Variants in SCN1A observed in about 807,000 individuals in gnomAD.
The protein encoded by SCN1A is sodium voltage-gated channel alpha subunit 1.
In SCN1A, 13 loss-of-function variants were observed where a neutral mutation model predicts 193.7. The ratio of observed to expected loss-of-function variants is 0.07; its 90% CI spans 0.04 to 0.11. SCN1A has a LOEUF of 0.11. SCN1A is among the 10% of genes least tolerant of loss of function. The probability of loss-of-function intolerance (pLI) is 1.00; values close to 1 mark genes in which losing one functional copy is unlikely to be tolerated. For missense variants in SCN1A, 1,432 were observed against 2,451.1 expected (o/e 0.58, Z 8.78); for synonymous variants, 781 against 843.6 (o/e 0.93, Z 1.29).
chr2:166,030,494 C>A (rs1304416486), intron 19 of SCN1A, among the ~76,000 whole-genome samples: 1 of 149,218 alleles, frequency 6.7e-6, no homozygotes, highest in Admixed American at 6.6e-5. Context: ...TAGTAATGTG[C>A]CTTTTTTGTT....
chr2:166,143,029 G>A (rs12053295), intron 1 of SCN1A, among the ~76,000 whole-genome samples: 45 of 151,806 alleles, frequency 3.0e-4, no homozygotes, highest in Non-Finnish European at 4.0e-4. Context: ...CCCAATCTTG[G>A]GTATGTCTTT....
At chr2:165,985,391 A>T (rs962732855), downstream of SCN1A, 3 of 151,474 alleles carry the variant, frequency 2.0e-5, no homozygotes, top group African/African-American at 7.3e-5. Context: ...GGAAGGAAAG[A>T]AAAAGGAAGG....
chr2:166,121,723 T>C (rs769379032), intron 2 of SCN1A, among the ~76,000 whole-genome samples: 9 of 152,210 alleles, frequency 5.9e-5, no homozygotes, highest in Non-Finnish European at 8.8e-5. Context: ...AAATATCAAT[T>C]TAACCTTCTT....
At chr2:166,026,143 A>C (rs1360804818) in intron 19 of SCN1A, among the ~76,000 whole-genome samples, 2 of 152,142 alleles carry the variant, frequency 1.3e-5, no homozygotes, top group African/African-American at 4.8e-5. Flanking sequence ...CTTGAAAATA[A>C]AAATTTTCTG....
rs1433806086 is a variant in SCN1A at position 165,992,223 on chromosome 2, G to A, written c.5052C>T (p.Tyr1684=). Residue 1684 remains tyrosine (Y), a synonymous_variant, in exon 29 of 29, where the codon TAC becomes TAT. Coordinates refer to ENST00000674923, the MANE Select transcript of SCN1A (RefSeq NM_001165963.4). This position sits in a 1 kb window ranked among gnomAD's most constrained non-coding sequence, Gnocchi z 6.5. ...GLLLFLVMFI[Y]AIFGMSNFAY... is the part of the protein sequence containing the mutation. ...CAAAGTTGGACATCCCAAAGATGGC[G>A]TAGATGAACATGACTAGGAAGAGTA... 12 of 1,613,702 alleles carry A rather than the reference G, an allele frequency of 7.4e-6. No homozygotes were observed. The highest frequency in any genetic ancestry group is 1.3e-5 in the African/African-American group (1 of 74,842).
chr2:166,098,308 A>G (rs1687623349), intron 2 of SCN1A, among the ~76,000 whole-genome samples: 1 of 152,196 alleles, frequency 6.6e-6, no homozygotes, highest in South Asian at 2.1e-4. Context: ...AAAGGCTTTC[A>G]ATAAAATTCA....
At chr2:166,128,954 A>G (rs185610242), upstream of SCN1A, among the ~76,000 whole-genome samples, 470 of 152,302 alleles carry the variant, frequency 3.1e-3, 4 homozygotes, top group African/African-American at 0.011. Context: ...TCAGTCATAC[A>G]TAAAATCACG....
intron 2 of SCN1A, among the ~76,000 whole-genome samples, chr2:166,078,306 A>G (rs1685172292): frequency 6.6e-6 from 1 of 151,436 alleles, no homozygotes; most frequent in Admixed American, 6.6e-5. Context: ...AAATATACCT[A>G]TATACAATAC....
At chr2:166,143,926 T>C (rs1377644667) in intron 1 of SCN1A, among the ~76,000 whole-genome samples, 3 of 152,250 alleles carry the variant, frequency 2.0e-5, no homozygotes, top group Non-Finnish European at 4.4e-5. Flanking sequence ...TGTGACATTG[T>C]ATTTTAAAGG....
intron 4 of SCN1A, chr2:166,071,696 C>T (rs923212463): frequency 6.6e-6 from 1 of 152,060 alleles, no homozygotes; most frequent in African/African-American, 2.4e-5. Flanking sequence ...CGAGTCCATC[C>T]TGGCTAACAT....
chr2:165,992,546 C>T lies in SCN1A; in HGVS notation c.4853-124G>A. The T allele has an allele frequency of 9.6e-6, 7 of 730,046 alleles. No individual in the cohort carries two copies. The highest frequency in any genetic ancestry group is 1.6e-5 in the Non-Finnish European group (7 of 442,148). The allele number at this position is 730,046 out of a possible 1,614,324, so 45.2% of individuals were successfully genotyped here. On this transcript the variant is annotated intron_variant, in intron 28 of 28. Coordinates refer to ENST00000674923, the MANE Select transcript of SCN1A (RefSeq NM_001165963.4). The surrounding 1 kb of genome is among the most constrained non-coding windows in gnomAD (Gnocchi z 6.5). The stretch of plus-strand genomic sequence containing the variant: ...AACCCAGTTATATTAAATATGACAA[C>T]TATATATAATATATATATAATTGTA...
chr2:166,026,679 C>CTTTTTTTTTT (rs35750460), intron 19 of SCN1A, among the ~76,000 whole-genome samples: 13 of 97,708 alleles, frequency 1.3e-4, no homozygotes, highest in Non-Finnish European at 1.5e-4. Flanking sequence ...TTCTTTCTTT[C>CTTTTTTTTTT]TTTTTTTTTT....
chr2:165,993,411 C>T (rs1689564417), intron 28 of SCN1A: 1 of 152,084 alleles, frequency 6.6e-6, no homozygotes, highest in Non-Finnish European at 1.5e-5. Flanking sequence ...AAAATATTGA[C>T]CCAATCATAT....
chr2:166,051,023 A>T (rs1175366791), intron 9 of SCN1A, among the ~76,000 whole-genome samples: 1 of 152,002 alleles, frequency 6.6e-6, no homozygotes, highest in Non-Finnish European at 1.5e-5. Context: ...ATAATGAGTT[A>T]CATTTGCATA....
At chr2:166,052,751 C>G (rs955133027) in intron 8 of SCN1A, 101 bp downstream of exon 8, 1 of 964,770 alleles carries the variant, frequency 1.0e-6, no homozygotes, top group African/African-American at 1.6e-5. Context: ...TTTGAAACAC[C>G]TAGTCTTATG....
intron 2 of SCN1A, among the ~76,000 whole-genome samples, chr2:166,101,388 T>C (rs1327664635): frequency 5.0e-5 from 7 of 139,478 alleles, no homozygotes; most frequent in South Asian, 5.1e-4. Flanking sequence ...AGGGATAGCA[T>C]TGGGAGATAT....
intron 4 of SCN1A, among the ~76,000 whole-genome samples, 183 bp from the exon 5 acceptor site, chr2:166,058,871 A>G (rs1682982678): frequency 6.6e-6 from 1 of 152,130 alleles, no homozygotes; most frequent in African/African-American, 2.4e-5. Flanking sequence ...TTAGAGAGGA[A>G]ATCCAATGAT....
chr2:166,095,669 G>T (rs550043377), intron 2 of SCN1A, among the ~76,000 whole-genome samples: 1 of 152,114 alleles, frequency 6.6e-6, no homozygotes, highest in Admixed American at 6.5e-5. Flanking sequence ...GTTTGTTCTT[G>T]GTTCAAAATA....
intron 6 of SCN1A, among the ~76,000 whole-genome samples, chr2:166,055,858 C>A (rs1699077067): frequency 6.6e-6 from 1 of 151,926 alleles, no homozygotes; most frequent in Non-Finnish European, 1.5e-5. Flanking sequence ...CAAAAAGTTC[C>A]ACTTCTGTTA....
Sources: allele counts gnomAD v4.1 joint callset (sites outside exome capture counted in the v4.1 genomes callset), GRCh38; gene constraint gnomAD v4.1.1; non-coding constraint Gnocchi (gnomAD v3.1); transcripts MANE v1.5; gene names NCBI Gene and HGNC (gene_info 2026-07-23, HGNC 2026-07-21).